Variants in KLB observed in about 807,000 individuals in gnomAD.
The protein encoded by KLB is klotho beta.
In KLB, 44 loss-of-function variants were observed where a neutral mutation model predicts 88.4. The ratio of observed to expected loss-of-function variants is 0.50; its 90% CI spans 0.39 to 0.64. The LOEUF is 0.64. Ranked by LOEUF, KLB falls within the 30% of genes least tolerant of loss-of-function variation. The pLI is 0.00. For synonymous variants in KLB, 548 were observed against 513.4 expected (o/e 1.07, Z -0.91); for missense variants, 1,137 against 1,304.8 (o/e 0.87, Z 1.98).
chr4:39,445,902 T>A (rs1743735188), intron 3 of KLB, among the ~76,000 whole-genome samples: 1 of 152,136 alleles, frequency 6.6e-6, no homozygotes, highest in South Asian at 2.1e-4. Flanking sequence ...CCAGCCTTTT[T>A]AAGGAATTGT....
chr4:39,434,438 C>T lies in KLB; in HGVS notation c.1054C>T (p.Leu352=). 1 of 1,614,204 alleles carries T rather than the reference C, an allele frequency of 6.2e-7. No individual in the cohort carries two copies. The highest frequency in any genetic ancestry group is 2.2e-5 in the East Asian group (1 of 44,882). Residue 352 remains leucine (L), a synonymous_variant, in exon 2 of 5, where the codon CTA becomes TTA. Transcript: ENST00000257408. ...EGMRKKLFSV[L]PIFSEAEKHE... ...GATGAGAAAGAAGTTGTTCTCCGTT[C>T]TACCCATTTTCTCTGAAGCAGAGAA...
chr4:39,418,436 G>A lies in KLB; in HGVS notation c.825+10662G>A, dbSNP rs552219686. ...GTACTTTTAGTAGAGATGGGGTTTC[G>A]CCATGTTGGCCAGGCTGGTCTTGAA... On this transcript the variant is annotated intron_variant, in intron 1 of 4. Coordinates refer to ENST00000257408, the MANE Select transcript of KLB (RefSeq NM_175737.4). Among the ~76,000 whole-genome samples the A allele has an allele frequency of 2.6e-4, 40 of 151,738 alleles. 1 individual carries two copies. Among genetic ancestry groups the A allele is most frequent in the African/African-American group, 4.3e-4 (18 of 41,430 alleles).
chr4:39,420,262 G>A (rs1328370692), intron 1 of KLB, among the ~76,000 whole-genome samples: 1 of 152,128 alleles, frequency 6.6e-6, no homozygotes, highest in Non-Finnish European at 1.5e-5. Flanking sequence ...CCAAAGTCTT[G>A]AGTAAAGGGC....
intron 3 of KLB, among the ~76,000 whole-genome samples, chr4:39,443,317 G>C (rs116490559): frequency 0.013 from 1,955 of 151,612 alleles, 44 homozygotes; most frequent in African/African-American, 0.045. Flanking sequence ...GAGCCCAGGT[G>C]GTCGAGGATG....
chr4:39,447,274 C>T lies in KLB; in HGVS notation c.2548C>T (p.Leu850=), dbSNP rs771909632. 1 of 1,614,134 alleles carries T rather than the reference C, an allele frequency of 6.2e-7. No homozygotes were observed. Among genetic ancestry groups the T allele is most frequent in the South Asian group, 1.1e-5 (1 of 91,076 alleles). Residue 850 remains leucine (L), a synonymous_variant, in exon 4 of 5, where the codon CTG becomes TTG. Transcript: ENST00000257408. The part of the protein sequence containing the change: ...RYDSDRDIQF[L]QDITRLSSPT... ...CGACTCGGACAGGGACATCCAGTTT[C>T]TGCAGGACATCACCCGCCTGAGCTC... is the stretch of plus-strand genomic sequence containing the variant.
At chr4:39,443,180 C>T (rs888377182) in intron 3 of KLB, among the ~76,000 whole-genome samples, 4 of 152,050 alleles carry the variant, frequency 2.6e-5, no homozygotes, top group Admixed American at 2.0e-4. Context: ...TGTTTCATTA[C>T]TGAAGATATT....
chr4:39,417,838 C>T (rs1742996428), intron 1 of KLB, among the ~76,000 whole-genome samples: 1 of 152,120 alleles, frequency 6.6e-6, no homozygotes. Flanking sequence ...ACTCAACTTA[C>T]AATTGATGAA....
chr4:39,434,602 A>G lies in KLB; in HGVS notation c.1218A>G (p.Glu406=). 1 of 1,614,198 alleles carries G rather than the reference A, an allele frequency of 6.2e-7. No homozygotes were observed. ...AAGCGCTGAACTGGATTAAACTGGA[A>G]TACAACAACCCTCGAATCTTGATTG... ...LREALNWIKL[E]YNNPRILIAE... The change falls in exon 2 of 5, where the codon GAA becomes GAG. Residue 406 remains glutamate (E), a synonymous_variant. Coordinates refer to ENST00000257408, the MANE Select transcript of KLB (RefSeq NM_175737.4).
rs112327399 is a variant in KLB, at chr4:39,448,783, TGA to T, written c.*100_*101del. ...ATACCTGTATTATAGAAAGACAATC[TGA>T]GATACAGCTGTAACCAAGGTGATGA... On this transcript the variant is annotated 3_prime_UTR_variant, in exon 5 of 5. Coordinates refer to ENST00000257408, the MANE Select transcript of KLB (RefSeq NM_175737.4). 69,264 of 1,190,712 alleles carry T rather than the reference TGA, an allele frequency of 0.058. 2,247 individuals carry two copies. The highest frequency in any genetic ancestry group is 0.078 in the African/African-American group (5,094 of 65,696). 73.8% of individuals were successfully genotyped at this position (1,190,712 alleles called of 1,614,324 possible).
At chr4:39,433,980 A>G in intron 1 of KLB, among the ~76,000 whole-genome samples, 1 of 152,234 alleles carries the variant, frequency 6.6e-6, no homozygotes. Context: ...GGGAAATAAG[A>G]GCCTAGACTA....
chr4:39,431,759 G>T (rs1743367538), intron 1 of KLB, among the ~76,000 whole-genome samples: 1 of 152,180 alleles, frequency 6.6e-6, no homozygotes. Context: ...TTACCTCAAT[G>T]CCTACTTTCC....
chr4:39,439,225 C>G (rs1188502280), intron 3 of KLB, among the ~76,000 whole-genome samples: 1 of 152,058 alleles, frequency 6.6e-6, no homozygotes, highest in African/African-American at 2.4e-5. Flanking sequence ...TCTGGAGCTC[C>G]TGGGCTCAAA....
Position 39,448,770 on chromosome 4 carries a change from TAGAA to T in KLB, c.*88_*91del. 7.7e-7 allele frequency: 1 copy of T among 1,299,106 alleles called. No homozygotes were observed. 80.5% of individuals were successfully genotyped at this position (1,299,106 alleles called of 1,614,324 possible). A position where few individuals can be genotyped will look rare whatever the true frequency, so the allele number is the denominator to read the frequency against. ...ACTTACAGGAGATATACCTGTATTA[TAGAA>T]AGACAATCTGAGATACAGCTGTAAC... On this transcript the variant is annotated 3_prime_UTR_variant, in exon 5 of 5. Coordinates refer to ENST00000257408, the MANE Select transcript of KLB (RefSeq NM_175737.4).
chr4:39,441,567 C>T (rs568214046), intron 3 of KLB: 2 of 152,062 alleles, frequency 1.3e-5, no homozygotes, highest in Non-Finnish European at 2.9e-5. Context: ...TCAGGAAAAG[C>T]AGTTCTGTGA....
chr4:39,433,384 T>C (rs1743403649), intron 1 of KLB, among the ~76,000 whole-genome samples: 1 of 152,226 alleles, frequency 6.6e-6, no homozygotes, highest in Admixed American at 6.5e-5. Flanking sequence ...TAGCTAAGGC[T>C]TATATAGAGC....
chr4:39,438,097 T>C (rs746798234), intron 3 of KLB, 102 bp downstream of exon 3: 1 of 1,079,964 alleles, frequency 9.3e-7, no homozygotes, highest in Non-Finnish European at 1.3e-6. Flanking sequence ...CAATATCAAA[T>C]ACCACAATTG....
rs1285854040 is a variant in KLB at position 39,434,681 on chromosome 4, A to G, written c.1297A>G (p.Ile433Val). ...TGTGAAAACAGAAGACACCACGGCC[A>G]TCTACATGATGAAGAATTTCCTCAG... ...SRVKTEDTTAIYMMKNFLSQV... is the reference protein window; with the variant it reads ...SRVKTEDTTAVYMMKNFLSQV... Residue 433 changes from isoleucine to valine, a missense_variant, in exon 2 of 5, where the codon ATC (isoleucine) becomes GTC (valine). Physicochemically the swap from Ile to Val is conservative, Grantham distance 29. This residue lies in a region of KLB where 597 missense variants were observed against 765.2 expected (regional missense o/e 0.78). Coordinates refer to ENST00000257408, the MANE Select transcript of KLB (RefSeq NM_175737.4). 1 of 1,613,620 alleles carries G rather than the reference A, an allele frequency of 6.2e-7. No homozygotes were observed.
At chr4:39,445,769 G>A (rs113255840) in intron 3 of KLB, among the ~76,000 whole-genome samples, 147 of 149,604 alleles carry the variant, frequency 9.8e-4, no homozygotes, top group African/African-American at 3.5e-3. Context: ...TGATCTGCCC[G>A]CCTCAGCCTC....
At position 39,446,184 on chromosome 4, in the gene KLB, T is replaced by G; in HGVS notation, c.1606-148T>G. 1.5e-6 allele frequency: 1 copy of G among 679,784 alleles called. No homozygotes were observed. Among genetic ancestry groups the G allele is most frequent in the Non-Finnish European group, 2.4e-6 (1 of 411,374 alleles). The allele number at this position is 679,784 out of a possible 1,614,324, so 42.1% of individuals were successfully genotyped here. On this transcript the variant is annotated intron_variant, in intron 3 of 4. Coordinates refer to ENST00000257408, the MANE Select transcript of KLB (RefSeq NM_175737.4). The surrounding 1 kb of genome is among the most constrained non-coding windows in gnomAD (Gnocchi z 6.4). ...ACCTGGGTGTGGCTCCTTCTCTGTT[T>G]TCTGGTCTCCTTGGGAGATTTCAAG...
Sources: allele counts gnomAD v4.1 joint callset (sites outside exome capture counted in the v4.1 genomes callset), GRCh38; gene constraint gnomAD v4.1.1; regional missense constraint gnomAD v4.1.1; non-coding constraint Gnocchi (gnomAD v3.1); transcripts MANE v1.5; gene names NCBI Gene and HGNC (gene_info 2026-07-23, HGNC 2026-07-21).